RPS6KC1: variants seen among roughly 807,000 people sequenced by gnomAD.
RPS6KC1 encodes inactive ribosomal protein S6 kinase delta-1.
A neutral mutation model predicts 103.8 loss-of-function variants in RPS6KC1; 54 were observed. The ratio of observed to expected loss-of-function variants is 0.52; its 90% CI spans 0.42 to 0.65. The LOEUF is 0.65. Among genes scored for constraint, RPS6KC1 ranks in the 30% least tolerant of loss-of-function variants. RPS6KC1 has a pLI of 0.00. For missense variants in RPS6KC1, 1,151 were observed against 1,253.8 expected, an observed-to-expected ratio of 0.92 and a Z score of 1.24; for synonymous variants, 439 against 438.7, an observed-to-expected ratio of 1.00 and a Z score of -0.01.
chr1:213,235,733 A>G (rs1484566530), intron 10 of RPS6KC1, among the ~76,000 whole-genome samples: 26 of 152,178 alleles, frequency 1.7e-4, no homozygotes, highest in Non-Finnish European at 2.9e-5. Flanking sequence ...CAGATCCTGT[A>G]TAGCATTGTA....
the RPS6KC1 span, among the ~76,000 whole-genome samples, chr1:213,767,516 C>T: frequency 6.6e-6 from 1 of 152,166 alleles, no homozygotes; most frequent in Non-Finnish European, 1.5e-5. Flanking sequence ...GACTCCTTTA[C>T]CCATAGAACA....
the RPS6KC1 span, among the ~76,000 whole-genome samples, chr1:213,557,945 C>T: frequency 6.6e-6 from 1 of 152,196 alleles, no homozygotes; most frequent in Admixed American, 6.5e-5. Context: ...ATATGCTGCT[C>T]ATGTTCCCTA....
the RPS6KC1 span, among the ~76,000 whole-genome samples, chr1:213,418,077 G>A: frequency 6.6e-6 from 1 of 152,134 alleles, no homozygotes; most frequent in Non-Finnish European, 1.5e-5. Flanking sequence ...CCCGCTCCTG[G>A]CCTTACTCTT....
At chr1:213,460,211 T>G in the RPS6KC1 span, among the ~76,000 whole-genome samples, 2 of 152,090 alleles carry the variant, frequency 1.3e-5, no homozygotes, top group South Asian at 4.1e-4. Context: ...TGTGTGGGAG[T>G]CAGTCTCTTT....
intron 6 of RPS6KC1, among the ~76,000 whole-genome samples, chr1:213,152,141 G>A (rs1434279093): frequency 1.6e-5 from 2 of 126,922 alleles, no homozygotes; most frequent in Admixed American, 7.9e-5. Context: ...GGGCAGAGGC[G>A]CCCCTCACCT....
Position 213,105,270 on chromosome 1 carries a change from C to T in RPS6KC1, c.378+701C>T, listed in dbSNP as rs2082375765. The stretch of plus-strand genomic sequence containing the variant: ...TAATAATTTTCTAACTTATTTTGAA[C>T]TGTATCGGTATATGTTGTCAGTTGG... On this transcript the variant is annotated intron_variant, in intron 4 of 14. Transcript: ENST00000366960. 2.2e-5 allele frequency among the ~76,000 whole-genome samples: 3 copies of T among 137,464 alleles called. No individual in the cohort carries two copies. In the Admixed American group the frequency reaches 2.2e-4, roughly 10 times the overall value. 90.2% of individuals were successfully genotyped at this position (137,464 alleles called of 152,430 possible).
At chr1:213,497,162 C>T in the RPS6KC1 span, among the ~76,000 whole-genome samples, 3 of 152,128 alleles carry the variant, frequency 2.0e-5, no homozygotes, top group African/African-American at 7.2e-5. Context: ...AAACCATAAA[C>T]ATATAGAGTA....
the RPS6KC1 span, among the ~76,000 whole-genome samples, chr1:213,323,533 T>C: frequency 1.3e-5 from 2 of 152,176 alleles, no homozygotes; most frequent in Admixed American, 1.3e-4. Flanking sequence ...TCAACTGATT[T>C]AGCATCTGTT....
At chr1:213,619,468 G>C in the RPS6KC1 span, among the ~76,000 whole-genome samples, 1 of 152,180 alleles carries the variant, frequency 6.6e-6, no homozygotes, top group African/African-American at 2.4e-5. Context: ...CACACCACTG[G>C]GGGCAAGAGG....
the RPS6KC1 span, among the ~76,000 whole-genome samples, chr1:213,317,520 G>A: frequency 1.6e-4 from 25 of 152,052 alleles, no homozygotes; most frequent in Non-Finnish European, 4.4e-5. Context: ...GCTCCACCCT[G>A]ATGACCTTAA....
the RPS6KC1 span, among the ~76,000 whole-genome samples, chr1:213,739,483 A>C: frequency 6.6e-6 from 1 of 152,176 alleles, no homozygotes; most frequent in Non-Finnish European, 1.5e-5. Context: ...TAAAATTAGA[A>C]GTGAGAACTT....
chr1:213,809,698 T>G, the RPS6KC1 span, among the ~76,000 whole-genome samples: 1 of 152,220 alleles, frequency 6.6e-6, no homozygotes, highest in Non-Finnish European at 1.5e-5. Flanking sequence ...TTCATTTGTT[T>G]GCATTATGAT....
At chr1:213,689,354 C>T in the RPS6KC1 span, among the ~76,000 whole-genome samples, 2 of 152,238 alleles carry the variant, frequency 1.3e-5, no homozygotes, top group African/African-American at 4.8e-5. Context: ...CCATGCCCCT[C>T]CTCAGCCCTT....
At chr1:213,584,379 A>G in the RPS6KC1 span, among the ~76,000 whole-genome samples, 5 of 152,208 alleles carry the variant, frequency 3.3e-5, no homozygotes, top group African/African-American at 7.2e-5. Flanking sequence ...AGAAACTGCT[A>G]TGTGGTTCAC....
At chr1:213,205,228 T>G in intron 8 of RPS6KC1, 1 of 984,300 alleles carries the variant, frequency 1.0e-6, no homozygotes, top group African/African-American at 1.7e-5. Flanking sequence ...TCTACTCTAC[T>G]GATTCATTAG....
the RPS6KC1 span, among the ~76,000 whole-genome samples, chr1:213,545,794 T>C: frequency 6.6e-6 from 1 of 152,208 alleles, no homozygotes; most frequent in Non-Finnish European, 1.5e-5. Context: ...TCTTTCTCTA[T>C]AATCAACACA....
intron 6 of RPS6KC1, among the ~76,000 whole-genome samples, chr1:213,131,449 G>GT (rs11364597): frequency 2.2e-4 from 32 of 147,800 alleles, no homozygotes; most frequent in Middle Eastern, 3.5e-3. Flanking sequence ...ATAATGTTAG[G>GT]TTTTTTTTTT....
At chr1:213,120,923 A>G (rs937811156) in intron 5 of RPS6KC1, among the ~76,000 whole-genome samples, 1 of 152,092 alleles carries the variant, frequency 6.6e-6, no homozygotes, top group Middle Eastern at 3.2e-3. Context: ...TTGAAATGAA[A>G]GTTTTCTGAG....
the RPS6KC1 span, among the ~76,000 whole-genome samples, chr1:213,844,622 T>C: frequency 6.6e-6 from 1 of 152,240 alleles, no homozygotes; most frequent in South Asian, 2.1e-4. Context: ...AAGCAAGAGA[T>C]AAAAATGTTA....
Sources: allele counts gnomAD v4.1 joint callset (sites outside exome capture counted in the v4.1 genomes callset), GRCh38; gene constraint gnomAD v4.1.1; transcripts MANE v1.5; gene names NCBI Gene and HGNC (gene_info 2026-07-23, HGNC 2026-07-21).